The following FAM227B variants were observed in gnomAD, a reference collection of about 807,000 sequenced individuals.
The protein encoded by FAM227B is protein FAM227B.
Under a neutral mutation model 73.8 loss-of-function variants are expected in FAM227B, and 88 were observed. The ratio of observed to expected loss-of-function variants is 1.19; its 90% confidence interval spans 1.00 to 1.42. The LOEUF is 1.42. FAM227B is among the 40% of genes most tolerant of loss of function. The pLI is 0.00. For missense variants in FAM227B, 632 were observed against 590.9 expected, an observed-to-expected ratio of 1.07 and a Z score of -0.72; for synonymous variants, 210 against 190.5, an observed-to-expected ratio of 1.10 and a Z score of -0.84.
chr15:49,367,978 A>G (rs887129993), intron 12 of FAM227B: 1 of 153,858 alleles, frequency 6.5e-6, no homozygotes, highest in Non-Finnish European at 1.4e-5. Flanking sequence ...CACATCCAAG[A>G]AGTTCAGCAA....
chr15:49,423,439 A>C (rs1377325977), intron 11 of FAM227B: 1 of 152,186 alleles, frequency 6.6e-6, no homozygotes, highest in Non-Finnish European at 1.5e-5. Flanking sequence ...GCAACAAAAC[A>C]AGTAAGTTAC....
intron 11 of FAM227B, among the ~76,000 whole-genome samples, chr15:49,412,091 A>G (rs974825379): frequency 6.6e-6 from 1 of 152,124 alleles, no homozygotes; most frequent in Non-Finnish European, 1.5e-5. Flanking sequence ...ATTTCTACTT[A>G]TTCAGCAGCT....
intron 11 of FAM227B, among the ~76,000 whole-genome samples, chr15:49,406,430 G>A (rs12915450): frequency 6.6e-5 from 10 of 152,220 alleles, no homozygotes; most frequent in Admixed American, 3.3e-4. Flanking sequence ...GTGTTGGCAC[G>A]GTGTTGGGGC....
At chr15:49,511,936 A>G (rs1392158165) in intron 10 of FAM227B, among the ~76,000 whole-genome samples, 1 of 152,146 alleles carries the variant, frequency 6.6e-6, no homozygotes, top group Admixed American at 6.6e-5. Flanking sequence ...TCTTTGTAAC[A>G]GAATGATTTA....
chr15:49,404,259 T>G (rs954833578), intron 11 of FAM227B, among the ~76,000 whole-genome samples: 2 of 152,194 alleles, frequency 1.3e-5, no homozygotes, highest in African/African-American at 4.8e-5. Context: ...GAGAGTTCTG[T>G]AAATATCTAT....
chr15:49,381,272 C>G (rs1344117434), intron 11 of FAM227B, among the ~76,000 whole-genome samples: 1 of 152,124 alleles, frequency 6.6e-6, no homozygotes, highest in Non-Finnish European at 1.5e-5. Context: ...CACACATATC[C>G]AAATCATATC....
At chr15:49,504,922 A>G (rs35698479) in intron 11 of FAM227B, among the ~76,000 whole-genome samples, 37,910 of 152,174 alleles carry the variant, frequency 0.25, 5,690 homozygotes, top group Non-Finnish European at 0.35. Flanking sequence ...ATAAAATCCT[A>G]TATCCGAACA....
chr15:49,512,995 G>A (rs545186294), intron 10 of FAM227B, among the ~76,000 whole-genome samples: 60 of 151,660 alleles, frequency 4.0e-4, no homozygotes, highest in African/African-American at 1.4e-3. Context: ...TTCTTTATCC[G>A]GTCTATCATT....
intron 7 of FAM227B, 100 bp from the exon 8 acceptor site, chr15:49,575,209 T>C (rs963519709): frequency 4.5e-5 from 28 of 624,700 alleles, no homozygotes; most frequent in African/African-American, 4.2e-4. Flanking sequence ...TCATTGCTTA[T>C]AGATCAGCAC....
intron 11 of FAM227B, chr15:49,484,613 G>A (rs1356629873): frequency 1.9e-6 from 1 of 533,808 alleles, no homozygotes; most frequent in African/African-American, 2.0e-5. Flanking sequence ...AATCAAGAAA[G>A]GCTGGAAAAC....
intron 14 of FAM227B, among the ~76,000 whole-genome samples, chr15:49,333,137 C>A (rs2039092415): frequency 6.6e-6 from 1 of 151,918 alleles, no homozygotes; most frequent in African/African-American, 2.4e-5. Context: ...TTACAATCTC[C>A]CCTCTTTAAA....
chr15:49,438,941 A>C (rs1444536193), intron 11 of FAM227B, among the ~76,000 whole-genome samples: 4 of 151,498 alleles, frequency 2.6e-5, no homozygotes, highest in Non-Finnish European at 5.9e-5. Context: ...TTGTTGCATA[A>C]CAAGTTACCT....
intron 13 of FAM227B, among the ~76,000 whole-genome samples, chr15:49,341,167 C>A (rs2040671267): frequency 6.6e-6 from 1 of 152,092 alleles, no homozygotes; most frequent in African/African-American, 2.4e-5. Context: ...GTTACTGTAG[C>A]CTTGTAGTAT....
At position 49,575,079 on chromosome 15, in the gene FAM227B, A is replaced by T. The variant is rs755509614; in HGVS notation, c.577T>A (p.Phe193Ile). The change falls in exon 8 of 16, where the codon TTT (phenylalanine) becomes ATT (isoleucine). Residue 193 changes from phenylalanine to isoleucine, a missense_variant. Coordinates refer to ENST00000299338, the MANE Select transcript of FAM227B (RefSeq NM_152647.3). The stretch of plus-strand genomic sequence containing the variant: ...AGAGCAATGGAGGCTTCTGAGAGAA[A>T]ATGAGTCTTCCAGATTTTAAAAACT... Reference protein sequence around the residue: ...ERVFKIWKTHFLSEASIALLH... With the variant: ...ERVFKIWKTHILSEASIALLH... The T allele has an allele frequency of 2.1e-5, 34 of 1,603,358 alleles. No individual in the cohort carries two copies. Among genetic ancestry groups the T allele is most frequent in the Non-Finnish European group, 2.9e-5 (34 of 1,174,548 alleles).
chr15:49,333,169 TATGTTACATACC>T (rs2039100962), intron 14 of FAM227B, among the ~76,000 whole-genome samples: 1 of 152,178 alleles, frequency 6.6e-6, no homozygotes, highest in Admixed American at 6.5e-5. Flanking sequence ...TTTATTGAGA[TATGTTACATACC>T]ATAAAATTGA....
chr15:49,397,931 T>A (rs1188806095), intron 11 of FAM227B, among the ~76,000 whole-genome samples: 1 of 151,466 alleles, frequency 6.6e-6, no homozygotes, highest in East Asian at 1.9e-4. Flanking sequence ...AGGAAGAAAC[T>A]GCATCAACTA....
At chr15:49,366,595 C>T in intron 13 of FAM227B, 1 of 1,600,686 alleles carries the variant, frequency 6.2e-7, no homozygotes, top group Non-Finnish European at 8.6e-7. Context: ...CAGACGCATG[C>T]AAGATTGCTT....
Position 49,328,079 on chromosome 15 carries a change from G to A in FAM227B, c.*489C>T. On this transcript the variant is annotated 3_prime_UTR_variant, in exon 16 of 16. Coordinates refer to ENST00000299338, the MANE Select transcript of FAM227B (RefSeq NM_152647.3). ...GCACAAAGCTTATTACCAGAGGAGT[G>A]ATGGAAGCTTAGCACCGGAGAAGCA... The A allele has an allele frequency of 6.2e-7, 1 of 1,614,104 alleles. No individual in the cohort carries two copies. Among genetic ancestry groups the A allele is most frequent in the Non-Finnish European group, 8.5e-7 (1 of 1,179,996 alleles).
chr15:49,409,195 G>A (rs2048714519), intron 11 of FAM227B, among the ~76,000 whole-genome samples: 2 of 151,880 alleles, frequency 1.3e-5, no homozygotes, highest in African/African-American at 4.8e-5. Flanking sequence ...TTCTTATTTG[G>A]GTTCTTTACA....
Sources: gnomAD v4.1 joint callset for allele counts (sites outside exome capture counted in the v4.1 genomes callset) on GRCh38, gnomAD v4.1.1 for gene constraint, MANE v1.5 for transcripts, NCBI Gene and HGNC (gene_info 2026-07-23, HGNC 2026-07-21) for gene names.